SCARB2: variants seen among roughly 807,000 people sequenced by gnomAD.
SCARB2 encodes the protein scavenger receptor class B member 2, also known as lysosome membrane protein 2.
A neutral mutation model predicts 58.6 loss-of-function variants in SCARB2; 29 were observed. The observed-to-expected ratio is 0.49, with a 90% confidence interval of 0.37 to 0.67. The LOEUF (loss-of-function observed/expected upper bound fraction) is 0.67. Ranked by LOEUF, SCARB2 falls within the 30% of genes least tolerant of loss-of-function variation. The probability of loss-of-function intolerance (pLI) is 0.00; values close to 1 mark genes in which losing one functional copy is unlikely to be tolerated. For missense variants in SCARB2, 488 were observed against 578.5 expected, an observed-to-expected ratio of 0.84 and a Z score of 1.60; for synonymous variants, 195 against 210.1, an observed-to-expected ratio of 0.93 and a Z score of 0.62.
chr4:76,202,768 G>T (rs1410719606), intron 1 of SCARB2, among the ~76,000 whole-genome samples: 1 of 152,078 alleles, frequency 6.6e-6, no homozygotes, highest in Non-Finnish European at 1.5e-5. Context: ...GAGATCATAT[G>T]TATTGTATCA....
Position 76,176,533 on chromosome 4 carries a change from A to C in SCARB2, c.613-5T>G. On this transcript the variant is annotated splice_polypyrimidine_tract_variant and splice_region_variant and intron_variant, in intron 4 of 11. Coordinates refer to ENST00000264896, the MANE Select transcript of SCARB2 (RefSeq NM_005506.4). ...TCCATCATTAGTCCCATTTTTCTGA[A>C]AATATGTGAATATGATCATTTAAAG... 4.5e-6 allele frequency: 7 copies of C among 1,567,376 alleles called. No individual in the cohort carries two copies. Among genetic ancestry groups the C allele is most frequent in the Non-Finnish European group, 5.3e-6 (6 of 1,138,848 alleles).
Position 76,197,469 on chromosome 4 carries a change from G to A in SCARB2, c.118-1605C>T, listed in dbSNP as rs138486359. Among the ~76,000 whole-genome samples, 28 of 152,308 alleles carry A rather than the reference G, an allele frequency of 1.8e-4. No individual in the cohort carries two copies. In the East Asian group the frequency reaches 3.9e-3, roughly 21 times the overall value. On this transcript the variant is annotated intron_variant, in intron 1 of 11. Transcript: ENST00000264896. ...GAGATGTGTAGACTAGTCCTAAAGC[G>A]GACCAGAAGCCTGGAGTCCAGCCTC...
At chr4:76,192,336 G>A (rs1732623379) in intron 2 of SCARB2, 1 of 152,264 alleles carries the variant, frequency 6.6e-6, no homozygotes, top group African/African-American at 2.4e-5. Flanking sequence ...GTCTCAGATG[G>A]AAATGAGGAA....
At chr4:76,211,622 C>T (rs1167668312) in intron 1 of SCARB2, among the ~76,000 whole-genome samples, 2 of 152,202 alleles carry the variant, frequency 1.3e-5, no homozygotes, top group South Asian at 2.1e-4. Context: ...AAACAGCCCA[C>T]GGTCACCGAG....
Position 76,205,138 on chromosome 4 carries a change from C to A in SCARB2, c.117+8289G>T, listed in dbSNP as rs182042155. Among the ~76,000 whole-genome samples the A allele has an allele frequency of 9.0e-4, 137 of 152,144 alleles. 1 individual carries two copies. The highest frequency in any genetic ancestry group is 3.3e-3 in the African/African-American group (136 of 41,470). On this transcript the variant is annotated intron_variant, in intron 1 of 11. Coordinates refer to ENST00000264896, the MANE Select transcript of SCARB2 (RefSeq NM_005506.4). Reference sequence around the variant, plus strand: ...CTCAGGAATTTGAGACCAGCCTGGGCAACACAGCAAGACCCCATCTCTACA... The same window carrying A: ...CTCAGGAATTTGAGACCAGCCTGGGAAACACAGCAAGACCCCATCTCTACA...
chr4:76,203,059 T>C (rs1732862362), intron 1 of SCARB2, among the ~76,000 whole-genome samples: 1 of 152,194 alleles, frequency 6.6e-6, no homozygotes, highest in Non-Finnish European at 1.5e-5. Context: ...TGGTGCAATC[T>C]TGGCTCACTG....
Position 76,170,687 on chromosome 4 carries a change from T to A in SCARB2, c.995-702A>T, listed in dbSNP as rs1732110579. ...CATGCACCACCACACCCGGATAATT[T>A]TTTTGTATTTTTAGTAGAGACAGCG... On this transcript the variant is annotated intron_variant, in intron 7 of 11. Coordinates refer to ENST00000264896, the MANE Select transcript of SCARB2 (RefSeq NM_005506.4). Among the ~76,000 whole-genome samples, 3 of 151,892 alleles carry A rather than the reference T, an allele frequency of 2.0e-5. No homozygotes were observed. The South Asian group carries it at 6.2e-4, about 32-fold the overall frequency.
At chr4:76,179,203 A>C in intron 4 of SCARB2, 1 of 364,392 alleles carries the variant, frequency 2.7e-6, no homozygotes, top group South Asian at 2.3e-5. Flanking sequence ...ACAGGTGTAC[A>C]TCACCACAGC....
chr4:76,174,390 A>G (rs2109942150), intron 6 of SCARB2, 77 bp from the exon 7 acceptor site: 1 of 1,360,138 alleles, frequency 7.4e-7, no homozygotes, highest in East Asian at 2.3e-5. Context: ...AGTTAGCAAC[A>G]GTTCTCAGGT....
intron 2 of SCARB2, among the ~76,000 whole-genome samples, chr4:76,182,529 T>C (rs1384541643): frequency 6.6e-6 from 1 of 152,242 alleles, no homozygotes; most frequent in African/African-American, 2.4e-5. Context: ...AATATTTCTA[T>C]TGAACAGAGC....
chr4:76,182,179 T>G (rs1316101370), intron 2 of SCARB2, among the ~76,000 whole-genome samples: 1 of 152,176 alleles, frequency 6.6e-6, no homozygotes, highest in Non-Finnish European at 1.5e-5. Context: ...TAAATTCCAG[T>G]GACTTTTGTT....
At chr4:76,180,858 C>A in intron 3 of SCARB2, 96 bp downstream of exon 3, 2 of 1,058,926 alleles carry the variant, frequency 1.9e-6, no homozygotes, top group South Asian at 1.6e-5. Context: ...TTCAACATAA[C>A]TTAATGGCTC....
At chr4:76,216,264 G>A (rs1733205769), upstream of SCARB2, among the ~76,000 whole-genome samples, 1 of 152,094 alleles carries the variant, frequency 6.6e-6, no homozygotes, top group Admixed American at 6.5e-5. Flanking sequence ...CCCCTACCTA[G>A]GCATTGGTTG....
intron 2 of SCARB2, among the ~76,000 whole-genome samples, chr4:76,190,653 C>T (rs1275183134): frequency 2.0e-5 from 3 of 152,034 alleles, no homozygotes; most frequent in Admixed American, 2.0e-4. Context: ...GGCGTGGTGG[C>T]CGTGCCTGTA....
At chr4:76,200,968 T>C (rs1732817491) in intron 1 of SCARB2, among the ~76,000 whole-genome samples, 1 of 152,206 alleles carries the variant, frequency 6.6e-6, no homozygotes, top group South Asian at 2.1e-4. Flanking sequence ...CAGAGAAGCC[T>C]GTCAAAAGTG....
chr4:76,195,860 ATTTTCTAGG>A lies in SCARB2; in HGVS notation c.118-5_121del. The A allele has an allele frequency of 6.2e-7, 1 of 1,606,982 alleles. No homozygotes were observed. Among genetic ancestry groups the A allele is most frequent in the Admixed American group, 1.7e-5 (1 of 58,224 alleles). The stretch of plus-strand genomic sequence containing the variant: ...TGCCTCAGTACCATTCCTTAACACA[ATTTTCTAGG>A]AAAAAACCAAAAGGAGATTTACAAA... On this transcript the variant is annotated splice_acceptor_variant and splice_polypyrimidine_tract_variant and coding_sequence_variant and intron_variant, in exon 2 of 12. Coordinates refer to ENST00000264896, the MANE Select transcript of SCARB2 (RefSeq NM_005506.4). LOFTEE classifies it high-confidence loss of function.
intron 5 of SCARB2, 37 bp downstream of exon 5, chr4:76,176,400 T>C: frequency 6.8e-7 from 1 of 1,467,290 alleles, no homozygotes; most frequent in Non-Finnish European, 9.5e-7. Flanking sequence ...AAATGAAAAC[T>C]GAAAAAATAA....
intron 4 of SCARB2, among the ~76,000 whole-genome samples, chr4:76,178,160 T>C (rs1332598755): frequency 1.3e-5 from 2 of 152,226 alleles, no homozygotes; most frequent in African/African-American, 4.8e-5. Flanking sequence ...TCTTCAATTG[T>C]ATATTCTCTC....
chr4:76,198,837 A>AGTGT lies in SCARB2; in HGVS notation c.118-2974_118-2973insACAC, dbSNP rs1306920141. Among the ~76,000 whole-genome samples, 26 of 130,940 alleles carry AGTGT rather than the reference A, an allele frequency of 2.0e-4. No individual in the cohort carries two copies. In the South Asian group the frequency reaches 2.8e-3, roughly 14 times the overall value. The allele number at this position is 130,940 out of a possible 152,430, so 85.9% of individuals were successfully genotyped here. ...AGAGTAGATCACGTGCTGGAGAGTG[A>AGTGT]GTGAGTGTGTGTGTGTGTGTGTGTG... On this transcript the variant is annotated intron_variant, in intron 1 of 11. Transcript: ENST00000264896.
Sources: allele counts gnomAD v4.1 joint callset (sites outside exome capture counted in the v4.1 genomes callset), GRCh38; gene constraint gnomAD v4.1.1; transcripts MANE v1.5; gene names NCBI Gene and HGNC (gene_info 2026-07-23, HGNC 2026-07-21).